The following ALK variants were observed in gnomAD, a reference collection of about 807,000 sequenced individuals.
ALK encodes the protein ALK receptor tyrosine kinase.
A neutral mutation model predicts 163.1 loss-of-function variants in ALK; 74 were observed. The observed-to-expected ratio is 0.45, with a 90% CI of 0.38 to 0.55. ALK has a LOEUF of 0.55. Ranked by LOEUF, ALK falls within the 20% of genes least tolerant of loss-of-function variation. The probability of loss-of-function intolerance (pLI) is 0.00; values close to 1 mark genes in which losing one functional copy is unlikely to be tolerated. For synonymous variants in ALK, 960 were observed against 843.2 expected (o/e 1.14, Z -2.40); for missense variants, 2,063 against 2,105.3 (o/e 0.98, Z 0.39).
At chr2:29,668,919 A>G (rs1677599071) in intron 3 of ALK, among the ~76,000 whole-genome samples, 1 of 152,052 alleles carries the variant, frequency 6.6e-6, no homozygotes, top group African/African-American at 2.4e-5. Context: ...CCTTTACGCT[A>G]TGTAAGACTT....
chr2:29,760,679 T>C (rs1680675307), intron 1 of ALK, among the ~76,000 whole-genome samples: 1 of 152,226 alleles, frequency 6.6e-6, no homozygotes, highest in African/African-American at 2.4e-5. Context: ...GGCAGGGTCT[T>C]TGACTCTTTT....
chr2:29,653,461 G>A (rs1677090845), intron 3 of ALK, among the ~76,000 whole-genome samples: 1 of 151,998 alleles, frequency 6.6e-6, no homozygotes, highest in African/African-American at 2.4e-5. Context: ...TGTGACCTAG[G>A]GTTGGATCGT....
chr2:29,879,577 T>G (rs1332117506), intron 1 of ALK, among the ~76,000 whole-genome samples: 3 of 152,230 alleles, frequency 2.0e-5, no homozygotes, highest in African/African-American at 7.2e-5. Context: ...CCTAGGAGAC[T>G]GACAGCATGG....
chr2:29,827,696 G>T (rs1230421145), intron 1 of ALK, among the ~76,000 whole-genome samples: 3 of 152,138 alleles, frequency 2.0e-5, no homozygotes, highest in African/African-American at 7.2e-5. Flanking sequence ...AACATTCCAC[G>T]CTCATGGGTA....
intron 1 of ALK, among the ~76,000 whole-genome samples, chr2:29,881,249 G>T (rs56056907): frequency 4.6e-5 from 7 of 152,156 alleles, no homozygotes; most frequent in African/African-American, 1.7e-4. Context: ...GCCACTAAGT[G>T]AACGCTGAAG....
At chr2:29,489,923 A>G (rs1671860659) in intron 4 of ALK, among the ~76,000 whole-genome samples, 1 of 152,254 alleles carries the variant, frequency 6.6e-6, no homozygotes. Flanking sequence ...ACATGCAGGA[A>G]GGTGGAAAAT....
chr2:29,268,402 GTC>G (rs1462487010), intron 11 of ALK, among the ~76,000 whole-genome samples: 1 of 152,220 alleles, frequency 6.6e-6, no homozygotes, highest in African/African-American at 2.4e-5. Flanking sequence ...AGAATCAGAA[GTC>G]TCTCTTGTGC....
At chr2:29,520,452 C>T (rs1000616805) in intron 4 of ALK, among the ~76,000 whole-genome samples, 1 of 152,120 alleles carries the variant, frequency 6.6e-6, no homozygotes, top group Non-Finnish European at 1.5e-5. Flanking sequence ...AAATAATGCC[C>T]ATCCCTATTC....
chr2:29,406,481 A>T (rs1669587137), intron 4 of ALK, among the ~76,000 whole-genome samples: 1 of 152,194 alleles, frequency 6.6e-6, no homozygotes, highest in Non-Finnish European at 1.5e-5. Flanking sequence ...TTAGGCTCAG[A>T]AGCCTCATTC....
intron 3 of ALK, among the ~76,000 whole-genome samples, chr2:29,630,002 G>A (rs1211338494): frequency 2.0e-5 from 3 of 152,158 alleles, no homozygotes; most frequent in Admixed American, 6.5e-5. Flanking sequence ...GCCCATAAAA[G>A]CAGTTTAATA....
intron 4 of ALK, among the ~76,000 whole-genome samples, chr2:29,417,771 C>T (rs765034380): frequency 6.6e-6 from 1 of 152,174 alleles, no homozygotes; most frequent in African/African-American, 2.4e-5. Context: ...TTGTACCTTA[C>T]GTACATAAGG....
At chr2:29,619,564 C>T (rs1158312381) in intron 3 of ALK, among the ~76,000 whole-genome samples, 1 of 152,176 alleles carries the variant, frequency 6.6e-6, no homozygotes, top group Admixed American at 6.5e-5. Context: ...CTGACGACTT[C>T]CCAAATAGCA....
intron 1 of ALK, among the ~76,000 whole-genome samples, chr2:29,779,949 G>A (rs1247886328): frequency 6.6e-6 from 1 of 152,152 alleles, no homozygotes; most frequent in Non-Finnish European, 1.5e-5. Context: ...CTGACACCAG[G>A]AAACTGTCTT....
chr2:29,207,363 T>C lies in ALK; in HGVS notation c.3837-91A>G, dbSNP rs1220565110. 4 of 962,994 alleles carry C rather than the reference T, an allele frequency of 4.2e-6. No homozygotes were observed. The African/African-American group carries it at 4.8e-5, about 12-fold the overall frequency. 59.7% of individuals were successfully genotyped at this position (962,994 alleles called of 1,614,324 possible). On this transcript the variant is annotated intron_variant, in intron 25 of 28. Transcript: ENST00000389048. ...GAAAGTTGAGAAAGTGGCAACAATA[T>C]AGTCTACCCATTAAAGGTCTGAAAT... is the stretch of plus-strand genomic sequence containing the variant.
At chr2:29,641,579 G>A (rs1676703969) in intron 3 of ALK, among the ~76,000 whole-genome samples, 1 of 152,082 alleles carries the variant, frequency 6.6e-6, no homozygotes, top group Non-Finnish European at 1.5e-5. Flanking sequence ...TAATAATGAT[G>A]TGTTTGAATA....
intron 3 of ALK, among the ~76,000 whole-genome samples, chr2:29,562,795 C>T (rs963680585): frequency 9.2e-5 from 14 of 152,298 alleles, no homozygotes; most frequent in African/African-American, 3.4e-4. Context: ...AAGTATTAGC[C>T]TTCTGTCAAG....
chr2:29,308,776 A>G (rs944768245), intron 8 of ALK, among the ~76,000 whole-genome samples: 1 of 152,190 alleles, frequency 6.6e-6, no homozygotes, highest in African/African-American at 2.4e-5. Flanking sequence ...AAGACATTTG[A>G]TAAATGTTAG....
chr2:29,848,692 G>A (rs1333199017), intron 1 of ALK, among the ~76,000 whole-genome samples: 3 of 152,170 alleles, frequency 2.0e-5, no homozygotes, highest in African/African-American at 7.2e-5. Flanking sequence ...CTAAATTCTG[G>A]AATGGGTGCC....
At chr2:29,900,968 A>T (rs745426872) in intron 1 of ALK, among the ~76,000 whole-genome samples, 7 of 146,994 alleles carry the variant, frequency 4.8e-5, no homozygotes, top group African/African-American at 7.5e-5. Context: ...GAATGTCTTA[A>T]GAAAGAAAGA....
Sources: gnomAD v4.1 joint callset for allele counts (sites outside exome capture counted in the v4.1 genomes callset) on GRCh38, gnomAD v4.1.1 for gene constraint, MANE v1.5 for transcripts, NCBI Gene and HGNC (gene_info 2026-07-23, HGNC 2026-07-21) for gene names.